Variants in MGAM2 observed in about 807,000 individuals in gnomAD.
MGAM2 encodes the protein probable maltase-glucoamylase 2.
In MGAM2, 98 loss-of-function variants were observed where a neutral mutation model predicts 96.1. The observed-to-expected ratio is 1.02, with a 90% confidence interval of 0.87 to 1.21. The LOEUF is 1.21. Among genes scored for constraint, MGAM2 ranks in the 50% most tolerant of loss-of-function variants. The pLI, the probability that MGAM2 is intolerant of heterozygous loss-of-function variation, is 0.00. For synonymous variants in MGAM2, 749 were observed against 414.8 expected (o/e 1.81, Z -9.79); for missense variants, 2,055 against 1,182.4 (o/e 1.74, Z -10.82).
At chr7:142,180,465 A>C (rs1796503670) in intron 32 of MGAM2, among the ~76,000 whole-genome samples, 1 of 152,064 alleles carries the variant, frequency 6.6e-6, no homozygotes, top group African/African-American at 2.4e-5. Flanking sequence ...AGATCTTTCT[A>C]ACTTCTCGAT....
At position 142,210,489 on chromosome 7, in the gene MGAM2, C is replaced by T. The variant is rs988662736; in HGVS notation, c.5187+1867C>T. ...CTGTCTGAAGTTGACGTGGGAAGCT[C>T]GAGTTTGGTGGAGGGAGGGGCATCC... On this transcript the variant is annotated intron_variant, in intron 46 of 47. Transcript: ENST00000477922. Among the ~76,000 whole-genome samples, 18 of 152,226 alleles carry T rather than the reference C, an allele frequency of 1.2e-4. No individual in the cohort carries two copies. In the East Asian group the frequency reaches 2.7e-3, roughly 23 times the overall value.
intron 7 of MGAM2, among the ~76,000 whole-genome samples, chr7:142,135,980 T>C (rs1795048362): frequency 6.6e-6 from 1 of 152,218 alleles, no homozygotes; most frequent in African/African-American, 2.4e-5. Context: ...GTTTACAAAA[T>C]AACTTGATTG....
Position 142,196,701 on chromosome 7 carries a change from C to T in MGAM2, c.4517C>T (p.Thr1506Ile), listed in dbSNP as rs1325397514. Residue 1506 changes from threonine (T) to isoleucine (I), a missense_variant and splice_region_variant, in exon 40 of 48, where the codon ACA (threonine) becomes ATA (isoleucine). By Grantham distance (89) the Thr-to-Ile change is moderately conservative. Transcript: ENST00000477922. The stretch of plus-strand genomic sequence containing the variant: ...TGCTCTCATTATGCATCTTCTCAGA[C>T]AGGAGCAGATATCTGTGGGTTCTTT... ...MEFSLFGIPY[T>I]GADICGFFGD... The T allele has an allele frequency of 1.3e-6, 1 of 785,530 alleles. No homozygotes were observed. The highest frequency in any genetic ancestry group is 1.3e-5 in the South Asian group (1 of 74,394). The allele number at this position is 785,530 out of a possible 1,614,324, so 48.7% of individuals were successfully genotyped here.
chr7:142,174,616 A>G (rs1796304488), intron 31 of MGAM2, among the ~76,000 whole-genome samples: 1 of 151,984 alleles, frequency 6.6e-6, no homozygotes, highest in Non-Finnish European at 1.5e-5. Context: ...TCTATATGAC[A>G]AGATCTAGTA....
intron 26 of MGAM2, among the ~76,000 whole-genome samples, chr7:142,168,659 T>TA (rs1796101190): frequency 6.6e-6 from 1 of 152,184 alleles, no homozygotes; most frequent in Admixed American, 6.5e-5. Flanking sequence ...TATGCACATT[T>TA]AAAAAATACG....
intron 27 of MGAM2, among the ~76,000 whole-genome samples, chr7:142,170,952 G>A (rs966391158): frequency 1.3e-5 from 2 of 152,154 alleles, no homozygotes; most frequent in African/African-American, 4.8e-5. Flanking sequence ...AACTCTATTT[G>A]TTTATTTATA....
intron 32 of MGAM2, among the ~76,000 whole-genome samples, chr7:142,182,968 A>G (rs1332285611): frequency 9.2e-5 from 14 of 152,134 alleles, no homozygotes; most frequent in Admixed American, 8.5e-4. Flanking sequence ...TTTTTGTAGT[A>G]TAGAAAGGCT....
chr7:142,176,108 A>G lies in MGAM2; in HGVS notation c.3816+328A>G, dbSNP rs972447452. On this transcript the variant is annotated intron_variant, in intron 32 of 47. Coordinates refer to ENST00000477922, the MANE Select transcript of MGAM2 (RefSeq NM_001293626.2). ...CACTGAAGATAGCAAAAAAAAAAAA[A>G]GGGGGGGGCATCTCACTGTTTCAGG... Among the ~76,000 whole-genome samples, 563 of 114,908 alleles carry G rather than the reference A, an allele frequency of 4.9e-3. 3 individuals carry two copies. The highest frequency in any genetic ancestry group is 0.017 in the African/African-American group (431 of 25,832). The allele number at this position is 114,908 out of a possible 152,430, so 75.4% of individuals were successfully genotyped here. A position where few individuals can be genotyped will look rare whatever the true frequency, so the allele number is the denominator to read the frequency against.
At chr7:142,128,511 C>T (rs1427457532) in intron 3 of MGAM2, among the ~76,000 whole-genome samples, 1 of 152,172 alleles carries the variant, frequency 6.6e-6, no homozygotes, top group East Asian at 1.9e-4. Context: ...GCCAGGAAGC[C>T]TCGGACAGAA....
chr7:142,115,610 C>T (rs1006829303), intron 1 of MGAM2, among the ~76,000 whole-genome samples: 1 of 152,106 alleles, frequency 6.6e-6, no homozygotes, highest in African/African-American at 2.4e-5. Context: ...CTTTGGGAGG[C>T]CAAGGTGGGC....
At chr7:142,217,066 C>A (rs1003840062) in intron 46 of MGAM2, among the ~76,000 whole-genome samples, 1 of 152,148 alleles carries the variant, frequency 6.6e-6, no homozygotes, top group African/African-American at 2.4e-5. Flanking sequence ...AGTTACATGT[C>A]CTTCCTAAGT....
At position 142,221,840 on chromosome 7, in the gene MGAM2, A is replaced by G; in HGVS notation, c.7329A>G (p.Ser2443=). 1 of 400,226 alleles carries G rather than the reference A, an allele frequency of 2.5e-6. No individual in the cohort carries two copies. The highest frequency in any genetic ancestry group is 4.4e-6 in the Non-Finnish European group (1 of 227,096). The allele number at this position is 400,226 out of a possible 1,614,324, so 24.8% of individuals were successfully genotyped here. ...CTGTTTCAAATCTCACAACAGCCTCAGTCACAATAACAGCCACTGGTCTAG... is the reference window on the plus strand; with the variant it reads ...CTGTTTCAAATCTCACAACAGCCTCGGTCACAATAACAGCCACTGGTCTAG... ...HISVSNLTTA[S]VTITATGLDS... is the part of the protein sequence containing the mutation. The change falls in exon 48 of 48, where the codon TCA becomes TCG. Residue 2443 remains serine, a synonymous_variant. Transcript: ENST00000477922.
chr7:142,172,359 T>C (rs1327793400), intron 29 of MGAM2, among the ~76,000 whole-genome samples, 165 bp downstream of exon 29: 1 of 152,232 alleles, frequency 6.6e-6, no homozygotes, highest in Non-Finnish European at 1.5e-5. Flanking sequence ...TTAAGAACTC[T>C]GGATCAGGTG....
chr7:142,183,100 C>T (rs1185099599), intron 32 of MGAM2, among the ~76,000 whole-genome samples, 166 bp from the exon 33 acceptor site: 2 of 152,110 alleles, frequency 1.3e-5, no homozygotes, highest in East Asian at 3.9e-4. Flanking sequence ...GTAATATATG[C>T]AGTAAGACAT....
chr7:142,198,864 G>T, intron 44 of MGAM2, 125 bp downstream of exon 44: 1 of 586,928 alleles, frequency 1.7e-6, no homozygotes, highest in Non-Finnish European at 3.0e-6. Context: ...CAGCTTTACT[G>T]GTCAGATCCT....
chr7:142,141,587 A>C (rs1585157134), intron 12 of MGAM2, among the ~76,000 whole-genome samples: 1 of 151,754 alleles, frequency 6.6e-6, no homozygotes, highest in East Asian at 1.9e-4. Flanking sequence ...GCAACCTCTG[A>C]CTCCTGGGTT....
chr7:142,125,635 T>C lies in MGAM2; in HGVS notation c.186+5254T>C, dbSNP rs1213542133. Among the ~76,000 whole-genome samples, 6 of 152,302 alleles carry C rather than the reference T, an allele frequency of 3.9e-5. No homozygotes were observed. In the South Asian group the frequency reaches 1.0e-3, roughly 26 times the overall value. Reference sequence around the variant, plus strand: ...TAGATTTATGGAGAGTTAATAAGTATATTTAAAAAGATTGTATGGTTATAA... The same window carrying C: ...TAGATTTATGGAGAGTTAATAAGTACATTTAAAAAGATTGTATGGTTATAA... On this transcript the variant is annotated intron_variant, in intron 3 of 47. Coordinates refer to ENST00000477922, the MANE Select transcript of MGAM2 (RefSeq NM_001293626.2).
At chr7:142,112,041 TGTGG>T in intron 1 of MGAM2, among the ~76,000 whole-genome samples, 1 of 139,204 alleles carries the variant, frequency 7.2e-6, no homozygotes, top group East Asian at 2.0e-4. Context: ...TGTGTGTGTG[TGTGG>T]TGTCAGTGTT....
intron 21 of MGAM2, among the ~76,000 whole-genome samples, chr7:142,160,617 C>T (rs1298707179): frequency 2.0e-5 from 3 of 151,234 alleles, no homozygotes; most frequent in African/African-American, 7.3e-5. Context: ...ACGTGGAAGC[C>T]AACACCGTTT....
Sources: allele counts gnomAD v4.1 joint callset (sites outside exome capture counted in the v4.1 genomes callset), GRCh38; gene constraint gnomAD v4.1.1; transcripts MANE v1.5; gene names NCBI Gene and HGNC (gene_info 2026-07-23, HGNC 2026-07-21).